GAB1: variants seen among roughly 807,000 people sequenced by gnomAD.
The protein encoded by GAB1 is GRB2 associated binding protein 1.
GAB1 carries 19 observed loss-of-function variants against 66.5 expected under a neutral mutation model. The ratio of observed to expected loss-of-function variants is 0.29; its 90% CI spans 0.20 to 0.42. The LOEUF is 0.42. GAB1 is among the 10% of genes least tolerant of loss of function. The probability of loss-of-function intolerance (pLI) is 1.00; values close to 1 mark genes in which losing one functional copy is unlikely to be tolerated. For missense variants in GAB1, 732 were observed against 858.5 expected (o/e 0.85, Z 1.84); for synonymous variants, 294 against 301.4 (o/e 0.98, Z 0.25).
intron 6 of GAB1, among the ~76,000 whole-genome samples, chr4:143,440,660 A>G (rs1446816679): frequency 6.6e-6 from 1 of 152,218 alleles, no homozygotes; most frequent in East Asian, 1.9e-4. Context: ...GGGGAGAATT[A>G]GAAGAAACTG....
chr4:143,430,768 C>T (rs983283397), intron 2 of GAB1, among the ~76,000 whole-genome samples: 1 of 152,142 alleles, frequency 6.6e-6, no homozygotes, highest in Non-Finnish European at 1.5e-5. Flanking sequence ...GCTCAATTTA[C>T]AGAAAAACCA....
At chr4:143,412,782 A>C (rs1327441813) in intron 1 of GAB1, among the ~76,000 whole-genome samples, 3 of 152,170 alleles carry the variant, frequency 2.0e-5, no homozygotes, top group Non-Finnish European at 2.9e-5. Context: ...TCCCTGAGGC[A>C]GGTAAGAGTT....
chr4:143,440,468 G>A (rs1175049605), intron 6 of GAB1, 86 bp downstream of exon 6: 13 of 1,268,834 alleles, frequency 1.0e-5, no homozygotes, highest in South Asian at 3.1e-5. Flanking sequence ...AATAGAATTT[G>A]GACTAGAAAT....
At chr4:143,423,300 G>T (rs945397561) in intron 2 of GAB1, among the ~76,000 whole-genome samples, 3 of 152,172 alleles carry the variant, frequency 2.0e-5, no homozygotes, top group Non-Finnish European at 4.4e-5. Flanking sequence ...TGTTAATGTG[G>T]TTTGGAGTGG....
At chr4:143,405,961 T>A (rs1332466669) in intron 1 of GAB1, among the ~76,000 whole-genome samples, 1 of 151,814 alleles carries the variant, frequency 6.6e-6, no homozygotes, top group Non-Finnish European at 1.5e-5. Context: ...GAAAAAAAAC[T>A]CTTTAAAAAA....
At chr4:143,347,300 C>T (rs1283494397) in intron 1 of GAB1, among the ~76,000 whole-genome samples, 1 of 152,226 alleles carries the variant, frequency 6.6e-6, no homozygotes, top group Non-Finnish European at 1.5e-5. Context: ...TTCTAACCCA[C>T]TCCTCTCTCA....
chr4:143,375,673 C>T (rs1324119326), intron 1 of GAB1, among the ~76,000 whole-genome samples: 1 of 152,186 alleles, frequency 6.6e-6, no homozygotes, highest in Non-Finnish European at 1.5e-5. Flanking sequence ...TAGGAAATGG[C>T]CTCTGCAGTT....
rs1729135684 is a variant in GAB1 at position 143,350,011 on chromosome 4, C to T, written c.72+12751C>T. 26 of 1,566,186 alleles carry T rather than the reference C, an allele frequency of 1.7e-5. No individual in the cohort carries two copies. The Admixed American group carries it at 2.1e-4, about 13-fold the overall frequency. On this transcript the variant is annotated intron_variant, in intron 1 of 9. Transcript: ENST00000262994. ...ATCCTCGGCCTTGCCTCCGCGACCCCGGCCCCGGATGCCACTGCCGAAACC... is the reference window on the plus strand; with the variant it reads ...ATCCTCGGCCTTGCCTCCGCGACCCTGGCCCCGGATGCCACTGCCGAAACC...
intron 1 of GAB1, among the ~76,000 whole-genome samples, chr4:143,357,865 C>CAT (rs28989211): frequency 0.055 from 8,174 of 148,902 alleles, 555 homozygotes; most frequent in African/African-American, 0.16. Context: ...AGTTTTAAAT[C>CAT]ATATATATAT....
chr4:143,465,773 C>T (rs1253133345), intron 8 of GAB1, among the ~76,000 whole-genome samples: 1 of 152,036 alleles, frequency 6.6e-6, no homozygotes, highest in Non-Finnish European at 1.5e-5. Flanking sequence ...AACTTGAAAG[C>T]AAGGAATATA....
intron 1 of GAB1, among the ~76,000 whole-genome samples, chr4:143,397,982 A>G (rs1477824541): frequency 1.3e-5 from 2 of 152,238 alleles, no homozygotes; most frequent in Non-Finnish European, 2.9e-5. Flanking sequence ...ATGTAGGCTC[A>G]TTCCTCATGC....
At chr4:143,407,566 G>T (rs1732117784) in intron 1 of GAB1, among the ~76,000 whole-genome samples, 1 of 152,096 alleles carries the variant, frequency 6.6e-6, no homozygotes, top group African/African-American at 2.4e-5. Context: ...ATTATTTTCA[G>T]TGTATTCTTT....
intron 8 of GAB1, among the ~76,000 whole-genome samples, chr4:143,465,013 T>C (rs1052143236): frequency 6.6e-6 from 1 of 152,332 alleles, no homozygotes; most frequent in South Asian, 2.1e-4. Flanking sequence ...AAGTATGAGA[T>C]AATATATGAA....
chr4:143,337,201 G>C lies in GAB1; in HGVS notation c.13G>C (p.Glu5Gln), dbSNP rs1338997103. ...AGACGCGCGCACCATGAGCGGTGGT[G>C]AAGTGGTCTGCTCCGGATGGCTCCG... is the stretch of plus-strand genomic sequence containing the variant. MSGG[E>Q]VVCSGWLRKS... Residue 5 changes from glutamate to glutamine, a missense_variant, in exon 1 of 10, where the codon GAA (glutamate) becomes CAA (glutamine). Physicochemically the swap from Glu to Gln is conservative, Grantham distance 29. Coordinates refer to ENST00000262994, the MANE Select transcript of GAB1 (RefSeq NM_002039.4). 6.3e-7 allele frequency: 1 copy of C among 1,583,228 alleles called. No individual in the cohort carries two copies. The highest frequency in any genetic ancestry group is 8.6e-7 in the Non-Finnish European group (1 of 1,164,512).
At chr4:143,468,620 C>CTTAAATTTTA (rs1735923003) in intron 9 of GAB1, among the ~76,000 whole-genome samples, 1 of 151,638 alleles carries the variant, frequency 6.6e-6, no homozygotes, top group South Asian at 2.1e-4. Flanking sequence ...GTGTATGACC[C>CTTAAATTTTA]AGAAAAATTT....
chr4:143,445,950 C>G (rs1471190367), intron 6 of GAB1, among the ~76,000 whole-genome samples: 2 of 152,062 alleles, frequency 1.3e-5, no homozygotes, highest in African/African-American at 2.4e-5. Context: ...ACCTTCCCCC[C>G]ACCCCACAAC....
At chr4:143,395,153 C>T (rs1731380644) in intron 1 of GAB1, 1 of 152,160 alleles carries the variant, frequency 6.6e-6, no homozygotes, top group Non-Finnish European at 1.5e-5. Flanking sequence ...AAGGTTAGGA[C>T]TTTCAGATCA....
chr4:143,363,975 G>C (rs1369440389), intron 1 of GAB1, among the ~76,000 whole-genome samples: 1 of 152,056 alleles, frequency 6.6e-6, no homozygotes, highest in African/African-American at 2.4e-5. Flanking sequence ...GAGTTGGGCG[G>C]ACAGGAGTTA....
chr4:143,449,301 T>G (rs972909189), intron 6 of GAB1, among the ~76,000 whole-genome samples: 2 of 151,788 alleles, frequency 1.3e-5, no homozygotes, highest in African/African-American at 2.4e-5. Context: ...AGATGTCTAT[T>G]AGGTCCGCTT....
Sources: gnomAD v4.1 joint callset for allele counts (sites outside exome capture counted in the v4.1 genomes callset) on GRCh38, gnomAD v4.1.1 for gene constraint, MANE v1.5 for transcripts, NCBI Gene and HGNC (gene_info 2026-07-23, HGNC 2026-07-21) for gene names.